Variants in EPB41L2 observed in about 807,000 individuals in gnomAD.
EPB41L2 encodes erythrocyte membrane protein band 4.1 like 2.
Under a neutral mutation model 113.0 loss-of-function variants are expected in EPB41L2, and 43 were observed. That is an observed-to-expected ratio of 0.38 (90% CI 0.30 to 0.49). The LOEUF (loss-of-function observed/expected upper bound fraction) is 0.49. Ranked by LOEUF, EPB41L2 falls within the 20% of genes least tolerant of loss-of-function variation. The pLI, the probability that EPB41L2 is intolerant of heterozygous loss-of-function variation, is 0.95. For synonymous variants in EPB41L2, 442 were observed against 436.7 expected, an observed-to-expected ratio of 1.01 and a Z score of -0.15; for missense variants, 1,147 against 1,223.4, an observed-to-expected ratio of 0.94 and a Z score of 0.93.
chr6:130,891,180 A>C (rs1434147895), intron 10 of EPB41L2, among the ~76,000 whole-genome samples: 1 of 152,230 alleles, frequency 6.6e-6, no homozygotes, highest in Non-Finnish European at 1.5e-5. Flanking sequence ...TTTATTAAAT[A>C]GGAAGACTTT....
chr6:130,965,473 C>T (rs1419817975), intron 1 of EPB41L2, among the ~76,000 whole-genome samples: 2 of 151,844 alleles, frequency 1.3e-5, no homozygotes. Flanking sequence ...TTTATTTGGT[C>T]TCTATCTGAA....
At chr6:130,990,852 A>C (rs1049774226) in intron 1 of EPB41L2, among the ~76,000 whole-genome samples, 44 of 138,134 alleles carry the variant, frequency 3.2e-4, no homozygotes, top group Middle Eastern at 7.6e-3. Context: ...TTTGAGGTGG[A>C]GTCTCGCTCT....
At chr6:130,972,981 G>A (rs1777265401) in intron 1 of EPB41L2, among the ~76,000 whole-genome samples, 4 of 144,296 alleles carry the variant, frequency 2.8e-5, no homozygotes, top group Admixed American at 2.2e-4. Context: ...GTGTGGTGGC[G>A]CACGCCTGTA....
chr6:130,908,483 A>G (rs1263268526), intron 5 of EPB41L2, among the ~76,000 whole-genome samples: 2 of 152,338 alleles, frequency 1.3e-5, no homozygotes, highest in Non-Finnish European at 1.5e-5. Flanking sequence ...AAGCAGACAA[A>G]GCAATAGTAT....
In EPB41L2 at chr6:130,878,104, C is replaced by G; in HGVS notation, c.2043G>C (p.Gly681=). The G allele has an allele frequency of 6.2e-7, 1 of 1,602,640 alleles. No individual in the cohort carries two copies. The highest frequency in any genetic ancestry group is 8.5e-7 in the Non-Finnish European group (1 of 1,175,854). ...RITPLSLQTQ[G]SSHETLNIVE... ...AGCCAACAAATAGCTAATGACATAC[C>G]CCTTGTGTCTGTAGGGACAGAGGTG... is the stretch of plus-strand genomic sequence containing the variant. The change falls in exon 14 of 20, where the codon GGG becomes GGC. Residue 681 remains glycine (G), a splice_region_variant and synonymous_variant. Coordinates refer to ENST00000337057, the MANE Select transcript of EPB41L2 (RefSeq NM_001431.4).
At chr6:130,848,946 C>T (rs960554304) in intron 19 of EPB41L2, among the ~76,000 whole-genome samples, 3 of 152,158 alleles carry the variant, frequency 2.0e-5, no homozygotes, top group Non-Finnish European at 4.4e-5. Context: ...AGGAGAGACA[C>T]GAAGATGCTC....
rs147868200 is a variant in EPB41L2 at position 131,050,380 on chromosome 6, T to C, written c.-15+12775A>G. ...ACTCAAATCATTTAGTATACCAACA[T>C]ACTCTGGGGAAATACTTTCCTTATT... On this transcript the variant is annotated intron_variant, in intron 1 of 19. Coordinates refer to ENST00000337057, the MANE Select transcript of EPB41L2 (RefSeq NM_001431.4). 2.0e-5 allele frequency among the ~76,000 whole-genome samples: 3 copies of C among 152,226 alleles called. No homozygotes were observed. In the East Asian group the frequency reaches 5.8e-4, roughly 29 times the overall value.
intron 9 of EPB41L2, 104 bp downstream of exon 9, chr6:130,894,861 AAT>A (rs1246012382): frequency 8.3e-7 from 1 of 1,208,286 alleles, no homozygotes; most frequent in African/African-American, 1.5e-5. Context: ...TGGAAGAATA[AAT>A]AGTTTATTTT....
intron 3 of EPB41L2, among the ~76,000 whole-genome samples, chr6:130,949,640 A>G (rs1027506646): frequency 6.6e-6 from 1 of 151,508 alleles, no homozygotes; most frequent in African/African-American, 2.4e-5. Flanking sequence ...GAGAGGGGAG[A>G]CCCAAATGGG....
intron 5 of EPB41L2, among the ~76,000 whole-genome samples, chr6:130,906,347 T>C (rs1347432130): frequency 3.7e-5 from 2 of 54,596 alleles, no homozygotes; most frequent in East Asian, 0.067. Context: ...AAAAATGGTA[T>C]ACATTTTGGT....
At chr6:131,062,224 A>C (rs1381475529) in intron 1 of EPB41L2, among the ~76,000 whole-genome samples, 1 of 151,034 alleles carries the variant, frequency 6.6e-6, no homozygotes, top group Non-Finnish European at 1.5e-5. Context: ...ACTTGACCTC[A>C]GGGGAGGTGA....
chr6:131,050,133 G>A (rs1324935222), intron 1 of EPB41L2, among the ~76,000 whole-genome samples: 1 of 152,210 alleles, frequency 6.6e-6, no homozygotes, highest in African/African-American at 2.4e-5. Flanking sequence ...GAGGTCAGGA[G>A]TTTGAGACCA....
At chr6:130,850,383 G>C (rs1778431970) in intron 19 of EPB41L2, among the ~76,000 whole-genome samples, 1 of 152,152 alleles carries the variant, frequency 6.6e-6, no homozygotes, top group Admixed American at 6.5e-5. Context: ...TGAAAACTGA[G>C]GGGTAATTTA....
At chr6:130,961,717 G>A (rs1362183138) in intron 1 of EPB41L2, among the ~76,000 whole-genome samples, 1 of 152,206 alleles carries the variant, frequency 6.6e-6, no homozygotes, top group African/African-American at 2.4e-5. Context: ...GAACAGGGTA[G>A]GTGCTGCTGC....
chr6:130,857,095 T>C (rs1780474659), intron 19 of EPB41L2, among the ~76,000 whole-genome samples: 1 of 152,218 alleles, frequency 6.6e-6, no homozygotes, highest in Non-Finnish European at 1.5e-5. Context: ...ACATGTTTAA[T>C]GTGGATATTT....
chr6:130,909,366 C>T (rs573945637), intron 4 of EPB41L2, among the ~76,000 whole-genome samples: 107 of 152,306 alleles, frequency 7.0e-4, no homozygotes, highest in African/African-American at 2.5e-3. Context: ...TTCCCTCCAA[C>T]TCTATAATTG....
At chr6:130,929,857 T>TCTCACACACACACACACA (rs1491200686) in intron 3 of EPB41L2, among the ~76,000 whole-genome samples, 1 of 123,372 alleles carries the variant, frequency 8.1e-6, no homozygotes, top group Non-Finnish European at 1.7e-5. Flanking sequence ...AGACAGACAG[T>TCTCACACACACACACACA]CACACACACA....
chr6:130,952,728 T>C (rs988211066), intron 3 of EPB41L2, among the ~76,000 whole-genome samples: 3 of 151,600 alleles, frequency 2.0e-5, no homozygotes, highest in Non-Finnish European at 2.9e-5. Flanking sequence ...AAGAATCGCT[T>C]GAACCAGAAA....
intron 17 of EPB41L2, among the ~76,000 whole-genome samples, chr6:130,865,231 TAGAAGCA>T (rs1245181971): frequency 1.3e-5 from 2 of 152,230 alleles, no homozygotes; most frequent in Non-Finnish European, 2.9e-5. Flanking sequence ...TTAATAAAAG[TAGAAGCA>T]CAAGTTTGTT....
Sources: gnomAD v4.1 joint callset for allele counts (sites outside exome capture counted in the v4.1 genomes callset) on GRCh38, gnomAD v4.1.1 for gene constraint, MANE v1.5 for transcripts, NCBI Gene and HGNC (gene_info 2026-07-23, HGNC 2026-07-21) for gene names.